SYT16: variants seen among roughly 807,000 people sequenced by gnomAD.
SYT16 encodes the protein synaptotagmin-16.
In SYT16, 42 loss-of-function variants were observed where a neutral mutation model predicts 61.4. The ratio of observed to expected loss-of-function variants is 0.68; its 90% CI spans 0.53 to 0.89. The LOEUF (loss-of-function observed/expected upper bound fraction) is 0.89, where lower values mean the gene tolerates loss of function less well. Ranked by LOEUF, SYT16 falls within the 40% of genes least tolerant of loss-of-function variation. The probability of loss-of-function intolerance (pLI) is 0.00; values close to 1 mark genes in which losing one functional copy is unlikely to be tolerated. For synonymous variants in SYT16, 314 were observed against 302.3 expected, an observed-to-expected ratio of 1.04 and a Z score of -0.40; for missense variants, 804 against 807.3, an observed-to-expected ratio of 1.00 and a Z score of 0.05.
At chr14:61,891,778 G>C (rs2048139923) in intron 1 of SYT16, among the ~76,000 whole-genome samples, 2 of 152,202 alleles carry the variant, frequency 1.3e-5, no homozygotes, top group Admixed American at 1.3e-4. Context: ...AAAAGGATAA[G>C]GTAGTAGAGA....
At chr14:61,965,846 A>C (rs374576552) in intron 1 of SYT16, among the ~76,000 whole-genome samples, 4 of 152,090 alleles carry the variant, frequency 2.6e-5, no homozygotes, top group African/African-American at 9.7e-5. Flanking sequence ...AAAATTGTGG[A>C]TATCTGATGA....
chr14:61,920,417 C>A (rs1395419122), intron 1 of SYT16, among the ~76,000 whole-genome samples: 1 of 152,052 alleles, frequency 6.6e-6, no homozygotes, highest in Admixed American at 6.5e-5. Flanking sequence ...TAATGCTCTC[C>A]CTCCCCTTGT....
intron 1 of SYT16, among the ~76,000 whole-genome samples, chr14:61,908,864 C>A (rs1435488582): frequency 6.6e-6 from 1 of 152,116 alleles, no homozygotes; most frequent in Non-Finnish European, 1.5e-5. Context: ...GCTCTGTCAC[C>A]CAGGCTGGAG....
Position 62,080,977 on chromosome 14 carries a change from T to G in SYT16, c.1137T>G (p.Asp379Glu). The change falls in exon 6 of 8, where the codon GAT (aspartate) becomes GAG (glutamate). Residue 379 changes from aspartate to glutamate, a missense_variant. Transcript: ENST00000683842. Reference sequence around the variant, plus strand: ...TTGTGAGGGCACAGGGCCTCCCAGATAAGGACCGAAGTGGTGTCAACTCCT... The same window carrying G: ...TTGTGAGGGCACAGGGCCTCCCAGAGAAGGACCGAAGTGGTGTCAACTCCT... ...VTIVRAQGLPDKDRSGVNSWQ... is the reference protein window; with the variant it reads ...VTIVRAQGLPEKDRSGVNSWQ... The G allele has an allele frequency of 6.2e-7, 1 of 1,613,054 alleles. No homozygotes were observed. Among genetic ancestry groups the G allele is most frequent in the South Asian group, 1.1e-5 (1 of 90,790 alleles).
At chr14:61,920,642 A>G (rs759501961) in intron 1 of SYT16, among the ~76,000 whole-genome samples, 4 of 152,190 alleles carry the variant, frequency 2.6e-5, no homozygotes, top group Non-Finnish European at 4.4e-5. Flanking sequence ...TGCCATTTCA[A>G]CGCAGACTTC....
intron 3 of SYT16, among the ~76,000 whole-genome samples, chr14:62,056,579 G>A (rs1228329740): frequency 6.6e-6 from 1 of 152,178 alleles, no homozygotes. Context: ...CCCGAGTAAA[G>A]TAACTGACCT....
intron 1 of SYT16, among the ~76,000 whole-genome samples, chr14:61,836,817 C>A (rs1566618104): frequency 6.6e-6 from 1 of 152,216 alleles, no homozygotes. Flanking sequence ...GTCTTAATTT[C>A]TTTCATTGAA....
intron 3 of SYT16, among the ~76,000 whole-genome samples, chr14:62,001,053 C>T (rs757691762): frequency 1.3e-5 from 2 of 151,846 alleles, no homozygotes; most frequent in Non-Finnish European, 2.9e-5. Flanking sequence ...CAGATTGAGA[C>T]CCCATCTCTA....
At chr14:61,986,118 A>T (rs918592640) in intron 2 of SYT16, among the ~76,000 whole-genome samples, 1 of 152,104 alleles carries the variant, frequency 6.6e-6, no homozygotes, top group African/African-American at 2.4e-5. Flanking sequence ...CCTGATACCT[A>T]TTTTAGTGTC....
intron 1 of SYT16, among the ~76,000 whole-genome samples, chr14:61,926,868 A>G (rs2049560879): frequency 6.6e-6 from 1 of 152,162 alleles, no homozygotes; most frequent in Non-Finnish European, 1.5e-5. Context: ...AAAAACTACT[A>G]TTGTGGGGTC....
intron 1 of SYT16, among the ~76,000 whole-genome samples, chr14:61,965,854 T>A (rs1057449773): frequency 1.3e-5 from 2 of 151,944 alleles, no homozygotes; most frequent in Admixed American, 1.3e-4. Flanking sequence ...GGATATCTGA[T>A]GAAATCTGGC....
At chr14:62,024,793 A>T (rs1403983562) in intron 3 of SYT16, among the ~76,000 whole-genome samples, 3 of 151,732 alleles carry the variant, frequency 2.0e-5, no homozygotes, top group Non-Finnish European at 4.4e-5. Context: ...CTTATTCATA[A>T]CTCCCTCCTC....
At chr14:62,047,548 G>T (rs570122203) in intron 3 of SYT16, among the ~76,000 whole-genome samples, 6 of 152,228 alleles carry the variant, frequency 3.9e-5, no homozygotes, top group African/African-American at 1.2e-4. Flanking sequence ...TCCCTGTCTT[G>T]TGCCAGTTTT....
intron 1 of SYT16, among the ~76,000 whole-genome samples, chr14:61,965,070 G>T (rs1370701595): frequency 6.6e-6 from 1 of 152,064 alleles, no homozygotes; most frequent in Admixed American, 6.6e-5. Context: ...TTGCTTTATT[G>T]TGATGGTCTG....
At chr14:62,036,524 C>T (rs902518676) in intron 3 of SYT16, among the ~76,000 whole-genome samples, 3 of 151,978 alleles carry the variant, frequency 2.0e-5, no homozygotes, top group Admixed American at 1.3e-4. Flanking sequence ...CATTCTCGTG[C>T]GGCTAATAAA....
chr14:62,006,182 T>A (rs2053217337), intron 3 of SYT16, among the ~76,000 whole-genome samples: 1 of 123,264 alleles, frequency 8.1e-6, no homozygotes, highest in South Asian at 2.8e-4. Context: ...AACAGCTGTT[T>A]TTTGTTTTGT....
upstream of SYT16, chr14:61,812,628 GGGCGCGGGGC>G (rs1223022265): frequency 2.4e-3 from 357 of 147,112 alleles, no homozygotes; most frequent in Middle Eastern, 0.014. Flanking sequence ...GGCGGCTGCT[GGGCGCGGGGC>G]GGCGCGGGGC....
At chr14:61,828,590 T>C (rs997365954) in intron 1 of SYT16, among the ~76,000 whole-genome samples, 1 of 152,238 alleles carries the variant, frequency 6.6e-6, no homozygotes, top group Non-Finnish European at 1.5e-5. Flanking sequence ...AAAAATGTGC[T>C]ACTTCCACCC....
chr14:62,089,907 A>G (rs878982206), intron 7 of SYT16, among the ~76,000 whole-genome samples: 1 of 152,248 alleles, frequency 6.6e-6, no homozygotes, highest in Admixed American at 6.5e-5. Flanking sequence ...AGTTAGAAAC[A>G]TTTGATCATC....
Sources: allele counts gnomAD v4.1 joint callset (sites outside exome capture counted in the v4.1 genomes callset), GRCh38; gene constraint gnomAD v4.1.1; transcripts MANE v1.5; gene names NCBI Gene and HGNC (gene_info 2026-07-23, HGNC 2026-07-21).